Variants in CELSR1 observed in about 807,000 individuals in gnomAD.
CELSR1 encodes the protein adhesion G protein-coupled receptor C1.
In CELSR1, 110 loss-of-function variants were observed where a neutral mutation model predicts 249.1. That is an observed-to-expected ratio of 0.44 (90% confidence interval 0.38 to 0.52). The LOEUF (loss-of-function observed/expected upper bound fraction) is 0.52. CELSR1 is among the 20% of genes least tolerant of loss of function. The pLI is 0.00. For synonymous variants in CELSR1, 2,113 were observed against 1,900.0 expected (o/e 1.11, Z -2.92); for missense variants, 4,109 against 4,296.4 (o/e 0.96, Z 1.22).
rs186292354 is a variant in CELSR1, at chr22:46,384,086, C to T, written c.6883+457G>A. Among the ~76,000 whole-genome samples the T allele has an allele frequency of 1.0e-3, 159 of 152,294 alleles. 1 individual carries two copies. The highest frequency in any genetic ancestry group is 1.9e-3 in the Non-Finnish European group (131 of 68,024). On this transcript the variant is annotated intron_variant, in intron 20 of 34. Transcript: ENST00000674500. ...AGTAGCTGGGATTACAGGCGCCCGC[C>T]ACCGCAGCTGGCTATTTTTTGTATT...
chr22:46,409,258 T>C lies in CELSR1; in HGVS notation c.5060-96A>G. 1 of 1,339,862 alleles carries C rather than the reference T, an allele frequency of 7.5e-7. No individual in the cohort carries two copies. The highest frequency in any genetic ancestry group is 1.3e-5 in the South Asian group (1 of 75,078). The allele number at this position is 1,339,862 out of a possible 1,614,324, so 83.0% of individuals were successfully genotyped here. A position where few individuals can be genotyped will look rare whatever the true frequency, so the allele number is the denominator to read the frequency against. On this transcript the variant is annotated intron_variant, in intron 8 of 34. Transcript: ENST00000674500. This position sits in a 1 kb window ranked among gnomAD's most constrained non-coding sequence, Gnocchi z 9.8. ...GGGGGATGGGCCTGCAGGCTAGGCCTGGGCCTTTTTCACTTTAACACGAAG... is the reference window on the plus strand; with the variant it reads ...GGGGGATGGGCCTGCAGGCTAGGCCCGGGCCTTTTTCACTTTAACACGAAG...
intron 2 of CELSR1, among the ~76,000 whole-genome samples, chr22:46,453,251 G>A (rs556046499): frequency 2.6e-5 from 4 of 152,290 alleles, no homozygotes; most frequent in Admixed American, 2.0e-4. Flanking sequence ...CAGGGAAACC[G>A]TGCCAACTAC....
chr22:46,479,570 GC>G (rs1041370743), intron 1 of CELSR1, among the ~76,000 whole-genome samples: 1 of 147,172 alleles, frequency 6.8e-6, no homozygotes, highest in Non-Finnish European at 1.5e-5. Context: ...GGTTCCAGGG[GC>G]CAGGGATAGT....
At chr22:46,419,165 G>A (rs562014127) in intron 5 of CELSR1, among the ~76,000 whole-genome samples, 4 of 152,332 alleles carry the variant, frequency 2.6e-5, no homozygotes, top group Middle Eastern at 3.4e-3. Flanking sequence ...ATCGGGACCA[G>A]GTCACCTCTG....
chr22:46,514,817 G>C (rs1479057325), intron 1 of CELSR1, among the ~76,000 whole-genome samples: 3 of 152,140 alleles, frequency 2.0e-5, no homozygotes, highest in Admixed American at 2.0e-4. Context: ...AGTCACTGCG[G>C]GAAAAGCTCT....
At position 46,472,087 on chromosome 22, in the gene CELSR1, G is replaced by A. The variant is rs1308563500; in HGVS notation, c.3545-7742C>T. Among the ~76,000 whole-genome samples the A allele has an allele frequency of 3.3e-5, 5 of 152,240 alleles. No individual in the cohort carries two copies. The East Asian group carries it at 7.7e-4, about 24-fold the overall frequency. ...AGCGGCTCCGCGGCACCTCAAAAGC[G>A]ATCAAGTGCCATCCCCTGCTTTCCC... is the stretch of plus-strand genomic sequence containing the variant. On this transcript the variant is annotated intron_variant, in intron 1 of 34. Transcript: ENST00000674500. The surrounding 1 kb of genome is among the most constrained non-coding windows in gnomAD (Gnocchi z 7.0).
chr22:46,369,274 G>A lies in CELSR1; in HGVS notation c.7873-16C>T. The A allele has an allele frequency of 1.3e-6, 1 of 776,320 alleles. No individual in the cohort carries two copies. The highest frequency in any genetic ancestry group is 1.8e-6 in the Non-Finnish European group (1 of 544,336). 48.1% of individuals were successfully genotyped at this position (776,320 alleles called of 1,614,324 possible). A position where few individuals can be genotyped will look rare whatever the true frequency, so the allele number is the denominator to read the frequency against. ...CTGTGTTGATCTGAAAACAAAACAA[G>A]CCGATCAATGTCTTCTCTCTCGTCA... On this transcript the variant is annotated splice_polypyrimidine_tract_variant and intron_variant, in intron 26 of 34. Transcript: ENST00000674500.
chr22:46,381,657 A>G lies in CELSR1; in HGVS notation c.7088+189T>C, dbSNP rs989012851. On this transcript the variant is annotated intron_variant, in intron 21 of 34. Coordinates refer to ENST00000674500, the MANE Select transcript of CELSR1 (RefSeq NM_001378328.1). This position sits in a 1 kb window ranked among gnomAD's most constrained non-coding sequence, Gnocchi z 6.0. ...GGTGTGCAATGTTCCAGGGTGTGGT[A>G]TCCTGTGGCAGACCCAGAATCTCCC... 1.3e-5 allele frequency among the ~76,000 whole-genome samples: 2 copies of G among 152,190 alleles called. No homozygotes were observed. The highest frequency in any genetic ancestry group is 4.8e-5 in the African/African-American group (2 of 41,442).
rs2080072891 is a variant in CELSR1, at chr22:46,464,336, T to C, written c.3554A>G (p.His1185Arg). ...LMEVSVSDGI[H>R]SVTAFCTLRV... Reference sequence around the variant, plus strand: ...CAGGGTGCAGAAGGCCGTGACGCTGTGGATGCCATCTGCAGACACAAGGAA... The same window carrying C: ...CAGGGTGCAGAAGGCCGTGACGCTGCGGATGCCATCTGCAGACACAAGGAA... Residue 1185 changes from histidine (H) to arginine (R), a missense_variant, in exon 2 of 35, where the codon CAC becomes CGC. Transcript: ENST00000674500. The surrounding 1 kb of genome is among the most constrained non-coding windows in gnomAD (Gnocchi z 8.5). 13 of 1,609,338 alleles carry C rather than the reference T, an allele frequency of 8.1e-6. No individual in the cohort carries two copies. The highest frequency in any genetic ancestry group is 1.1e-5 in the Non-Finnish European group (13 of 1,177,622).
At chr22:46,483,268 T>A (rs1378615327) in intron 1 of CELSR1, among the ~76,000 whole-genome samples, 1 of 152,022 alleles carries the variant, frequency 6.6e-6, no homozygotes, top group Admixed American at 6.6e-5. Flanking sequence ...ATTAATAAAT[T>A]AATGATGAGA....
Position 46,534,694 on chromosome 22 carries a change from T to A in CELSR1, c.2477A>T (p.Tyr826Phe), listed in dbSNP as rs1235497667. Residue 826 changes from tyrosine (Y) to phenylalanine (F), a missense_variant, in exon 1 of 35, where the codon TAC becomes TTC. Physicochemically the swap from Tyr to Phe is conservative, Grantham distance 22. Transcript: ENST00000674500. This position sits in a 1 kb window ranked among gnomAD's most constrained non-coding sequence, Gnocchi z 9.7. ...EDTGENARIT[Y>F]VIQDPVPQFR... ...CTGCGGCACGGGGTCCTGAATCACG[T>A]AGGTGATGCGGGCATTCTCTCCTGT... is the stretch of plus-strand genomic sequence containing the variant. 1 of 1,613,570 alleles carries A rather than the reference T, an allele frequency of 6.2e-7. No homozygotes were observed. Among genetic ancestry groups the A allele is most frequent in the Non-Finnish European group, 8.5e-7 (1 of 1,180,026 alleles).
chr22:46,519,311 A>G (rs978507562), intron 1 of CELSR1, among the ~76,000 whole-genome samples: 10 of 152,260 alleles, frequency 6.6e-5, no homozygotes, highest in South Asian at 6.2e-4. Flanking sequence ...CCGTAGAAAC[A>G]AACAAGGACA....
At chr22:46,462,404 C>T (rs984427556) in intron 2 of CELSR1, among the ~76,000 whole-genome samples, 1 of 151,588 alleles carries the variant, frequency 6.6e-6, no homozygotes, top group African/African-American at 2.4e-5. Context: ...ATGCAGAGAA[C>T]CTTGGAAGCC....
At position 46,364,179 on chromosome 22, in the gene CELSR1, C is replaced by G; in HGVS notation, c.8852G>C (p.Arg2951Pro). Residue 2951 changes from arginine (R) to proline (P), a missense_variant, in exon 34 of 35, where the codon CGG (arginine) becomes CCG (proline). By Grantham distance (103) the Arg-to-Pro change is moderately radical. Transcript: ENST00000674500. Reference protein sequence around the residue: ...LTEQTLKGRLREKLADCEQSP... With the variant: ...LTEQTLKGRLPEKLADCEQSP... ...CTGCTCACAGTCGGCCAGCTTCTCCCGGAGCCGGCCCTTCAGCGTCTGCTC... is the reference window on the plus strand; with the variant it reads ...CTGCTCACAGTCGGCCAGCTTCTCCGGGAGCCGGCCCTTCAGCGTCTGCTC... 1 of 1,612,144 alleles carries G rather than the reference C, an allele frequency of 6.2e-7. No individual in the cohort carries two copies. Among genetic ancestry groups the G allele is most frequent in the East Asian group, 2.2e-5 (1 of 44,882 alleles).
rs1189123646 is a variant in CELSR1, at chr22:46,384,530, T to C, written c.6883+13A>G. 1.3e-6 allele frequency: 2 copies of C among 1,587,924 alleles called. No individual in the cohort carries two copies. The highest frequency in any genetic ancestry group is 2.3e-5 in the East Asian group (1 of 44,334). ...GACTCCGAGGGCAGCAGCAGGTTTC[T>C]AAGCGGTTTTACCTTTTTCTTCAGG... On this transcript the variant is annotated intron_variant, in intron 20 of 34. Coordinates refer to ENST00000674500, the MANE Select transcript of CELSR1 (RefSeq NM_001378328.1).
intron 1 of CELSR1, among the ~76,000 whole-genome samples, chr22:46,492,514 T>C (rs1279327186): frequency 1.3e-5 from 2 of 152,202 alleles, no homozygotes; most frequent in African/African-American, 4.8e-5. Context: ...TGGATATATA[T>C]TCTTCCAGAT....
At chr22:46,462,261 G>A (rs895132414) in intron 2 of CELSR1, among the ~76,000 whole-genome samples, 2 of 152,234 alleles carry the variant, frequency 1.3e-5, no homozygotes, top group African/African-American at 4.8e-5. Context: ...CACGGGGCAG[G>A]TGACCACACT....
Position 46,427,581 on chromosome 22 carries a change from A to C in CELSR1, c.4611+5812T>G, listed in dbSNP as rs1418623579. ...CCTACAACTATGGCTTTTAAAATCTAGTAACAAGATCCTGGGAGCTCCTCC... is the reference window on the plus strand; with the variant it reads ...CCTACAACTATGGCTTTTAAAATCTCGTAACAAGATCCTGGGAGCTCCTCC... On this transcript the variant is annotated intron_variant, in intron 5 of 34. Coordinates refer to ENST00000674500, the MANE Select transcript of CELSR1 (RefSeq NM_001378328.1). This position sits in a 1 kb window ranked among gnomAD's most constrained non-coding sequence, Gnocchi z 4.2. Among the ~76,000 whole-genome samples the C allele has an allele frequency of 6.6e-6, 1 of 152,184 alleles. No individual in the cohort carries two copies.
intron 1 of CELSR1, among the ~76,000 whole-genome samples, chr22:46,480,100 T>G (rs1482151706): frequency 6.6e-6 from 1 of 152,226 alleles, no homozygotes; most frequent in Non-Finnish European, 1.5e-5. Flanking sequence ...CACTCCTATA[T>G]ACTAGTATGT....
Sources: allele counts gnomAD v4.1 joint callset (sites outside exome capture counted in the v4.1 genomes callset), GRCh38; gene constraint gnomAD v4.1.1; non-coding constraint Gnocchi (gnomAD v3.1); transcripts MANE v1.5; gene names NCBI Gene and HGNC (gene_info 2026-07-23, HGNC 2026-07-21).